Variants in LPAR1 observed in about 807,000 individuals in gnomAD.
The protein encoded by LPAR1 is lysophosphatidic acid receptor 1, also known as LPA receptor 1.
LPAR1 carries 5 observed loss-of-function variants against 23.8 expected under a neutral mutation model. The ratio of observed to expected loss-of-function variants is 0.21; its 90% CI spans 0.11 to 0.44. LPAR1 has a LOEUF of 0.44. Among genes scored for constraint, LPAR1 ranks in the 20% least tolerant of loss-of-function variants. The probability of loss-of-function intolerance (pLI) is 0.99; values close to 1 mark genes in which losing one functional copy is unlikely to be tolerated. For synonymous variants in LPAR1, 160 were observed against 164.7 expected, an observed-to-expected ratio of 0.97 and a Z score of 0.22; for missense variants, 311 against 482.8, an observed-to-expected ratio of 0.64 and a Z score of 3.33.
At chr9:110,968,595 T>C (rs1176180467) in intron 4 of LPAR1, among the ~76,000 whole-genome samples, 1 of 152,168 alleles carries the variant, frequency 6.6e-6, no homozygotes, top group Non-Finnish European at 1.5e-5. Flanking sequence ...GGGTCTCCAC[T>C]TTCCTCCCAG....
At chr9:110,882,533 G>A (rs2081167722) in intron 5 of LPAR1, among the ~76,000 whole-genome samples, 1 of 152,204 alleles carries the variant, frequency 6.6e-6, no homozygotes, top group Non-Finnish European at 1.5e-5. Flanking sequence ...TTCTAGAATG[G>A]TGGAACAATT....
At chr9:110,956,102 C>G (rs921796737) in intron 4 of LPAR1, among the ~76,000 whole-genome samples, 2 of 151,906 alleles carry the variant, frequency 1.3e-5, no homozygotes, top group African/African-American at 4.8e-5. Context: ...ATGGATGAAG[C>G]TGGAAACCAT....
chr9:110,903,722 G>A (rs1208977050), intron 5 of LPAR1, among the ~76,000 whole-genome samples: 2 of 151,518 alleles, frequency 1.3e-5, no homozygotes, highest in Non-Finnish European at 2.9e-5. Flanking sequence ...AAAGAGAGTG[G>A]GCTTGAAAAA....
At chr9:110,921,005 G>A (rs2766992) in intron 5 of LPAR1, among the ~76,000 whole-genome samples, 111,291 of 151,738 alleles carry the variant, frequency 0.73, 41,129 homozygotes, top group East Asian at 0.84. Flanking sequence ...ACGTTACGGC[G>A]CTTGACTATA....
At chr9:110,997,626 T>C (rs945052421) in intron 2 of LPAR1, among the ~76,000 whole-genome samples, 7 of 152,222 alleles carry the variant, frequency 4.6e-5, no homozygotes, top group African/African-American at 1.7e-4. Context: ...GTTTTTTATT[T>C]AGTAGAAACT....
chr9:111,010,592 A>C (rs915075936), intron 2 of LPAR1, among the ~76,000 whole-genome samples: 1 of 152,194 alleles, frequency 6.6e-6, no homozygotes, highest in Admixed American at 6.5e-5. Context: ...AAAAGGGAAA[A>C]GCCAATAATA....
intron 2 of LPAR1, among the ~76,000 whole-genome samples, chr9:111,027,406 C>A (rs1453311407): frequency 6.6e-6 from 1 of 152,068 alleles, no homozygotes; most frequent in African/African-American, 2.4e-5. Flanking sequence ...GAAGCTGAAG[C>A]AAGAGGATGG....
chr9:110,980,794 T>A (rs764440738), intron 2 of LPAR1, among the ~76,000 whole-genome samples: 117 of 152,194 alleles, frequency 7.7e-4, no homozygotes, highest in Non-Finnish European at 1.1e-3. Flanking sequence ...CTGTTACCCG[T>A]ATAAAGAAAT....
At chr9:110,963,187 T>A (rs935539643) in intron 4 of LPAR1, among the ~76,000 whole-genome samples, 19 of 152,224 alleles carry the variant, frequency 1.2e-4, no homozygotes, top group African/African-American at 4.3e-4. Context: ...CTTATGTGGT[T>A]TACCCTAGGT....
intron 5 of LPAR1, among the ~76,000 whole-genome samples, chr9:110,929,547 T>A (rs1201950330): frequency 6.6e-6 from 1 of 152,092 alleles, no homozygotes; most frequent in Non-Finnish European, 1.5e-5. Context: ...TCAAGGCAAC[T>A]CAAAATAAAA....
intron 2 of LPAR1, among the ~76,000 whole-genome samples, chr9:111,025,831 A>T (rs954605566): frequency 6.6e-6 from 1 of 152,068 alleles, no homozygotes; most frequent in African/African-American, 2.4e-5. Flanking sequence ...TGTTTTTGTC[A>T]GGTTTGTCAA....
intron 4 of LPAR1, among the ~76,000 whole-genome samples, chr9:110,969,808 C>T (rs1723623935): frequency 6.6e-6 from 1 of 152,062 alleles, no homozygotes; most frequent in African/African-American, 2.4e-5. Context: ...TGGATATTCA[C>T]AAAATTTTGT....
At chr9:110,951,720 TAACTATG>T in intron 4 of LPAR1, among the ~76,000 whole-genome samples, 1 of 152,202 alleles carries the variant, frequency 6.6e-6, no homozygotes, top group African/African-American at 2.4e-5. Context: ...CAAAAACTAC[TAACTATG>T]AACATGTTCA....
rs975449843 is a variant in LPAR1, at chr9:110,905,378, C to T, written c.794-29656G>A. 2.7e-5 allele frequency among the ~76,000 whole-genome samples: 4 copies of T among 148,256 alleles called. No individual in the cohort carries two copies. The East Asian group carries it at 7.8e-4, about 29-fold the overall frequency. ...TTTTTTTTTTGCAGAAGGGGTCTCG[C>T]TCTATTACGCAGGCTGGAGTGCAGT... On this transcript the variant is annotated intron_variant, in intron 5 of 5. Coordinates refer to ENST00000683809, the MANE Select transcript of LPAR1 (RefSeq NM_001351411.2).
At chr9:110,888,809 A>G (rs1229705130) in intron 5 of LPAR1, among the ~76,000 whole-genome samples, 3 of 152,174 alleles carry the variant, frequency 2.0e-5, no homozygotes, top group Non-Finnish European at 4.4e-5. Flanking sequence ...CATACAGCTG[A>G]TATGTATGGC....
chr9:111,033,683 C>T (rs1421327456), intron 2 of LPAR1, among the ~76,000 whole-genome samples: 1 of 152,192 alleles, frequency 6.6e-6, no homozygotes, highest in African/African-American at 2.4e-5. Context: ...TCCTGAGTAG[C>T]TGGGATTACA....
chr9:111,009,041 TCTACAG>T (rs1365646301), intron 2 of LPAR1, among the ~76,000 whole-genome samples: 1 of 151,944 alleles, frequency 6.6e-6, no homozygotes, highest in East Asian at 1.9e-4. Context: ...ACTTACAAAG[TCTACAG>T]ATACTGGGAT....
intron 4 of LPAR1, among the ~76,000 whole-genome samples, chr9:110,943,031 A>C (rs1271514546): frequency 6.7e-6 from 1 of 149,354 alleles, no homozygotes; most frequent in East Asian, 1.9e-4. Context: ...TATAATAATC[A>C]CTTTAAAAAG....
intron 5 of LPAR1, among the ~76,000 whole-genome samples, chr9:110,934,839 C>T (rs907732156): frequency 3.3e-5 from 5 of 151,432 alleles, no homozygotes; most frequent in African/African-American, 1.2e-4. Flanking sequence ...CACACACACA[C>T]ACACAGAGAG....
Sources: allele counts gnomAD v4.1 joint callset (sites outside exome capture counted in the v4.1 genomes callset), GRCh38; gene constraint gnomAD v4.1.1; transcripts MANE v1.5; gene names NCBI Gene and HGNC (gene_info 2026-07-23, HGNC 2026-07-21).